Variants in TMTC1 observed in about 807,000 individuals in gnomAD.
TMTC1 encodes transmembrane O-mannosyltransferase targeting cadherins 1.
Under a neutral mutation model 104.8 loss-of-function variants are expected in TMTC1, and 73 were observed. The ratio of observed to expected loss-of-function variants is 0.70; its 90% CI spans 0.58 to 0.85. The LOEUF is 0.85. TMTC1 is among the 40% of genes least tolerant of loss of function. TMTC1 has a pLI of 0.00. For missense variants in TMTC1, 1,035 were observed against 1,096.1 expected (o/e 0.94, Z 0.79); for synonymous variants, 434 against 428.7 (o/e 1.01, Z -0.15).
chr12:29,780,406 C>T (rs1943807127), intron 1 of TMTC1, among the ~76,000 whole-genome samples: 1 of 152,186 alleles, frequency 6.6e-6, no homozygotes, highest in Admixed American at 6.5e-5. Context: ...AGGTTACATA[C>T]TATGTGATTC....
chr12:29,735,406 C>A (rs1466209233), intron 5 of TMTC1, among the ~76,000 whole-genome samples: 1 of 152,146 alleles, frequency 6.6e-6, no homozygotes, highest in Non-Finnish European at 1.5e-5. Flanking sequence ...TGGCACCAAG[C>A]ACATAGAGTC....
chr12:29,755,871 C>T lies in TMTC1; in HGVS notation c.569G>A (p.Gly190Asp), dbSNP rs183355530. 6 of 1,613,918 alleles carry T rather than the reference C, an allele frequency of 3.7e-6. No homozygotes were observed. The African/African-American group carries it at 8.0e-5, about 22-fold the overall frequency. Reference sequence around the variant, plus strand: ...GGAAGGGAAACTTCCCCCAACACAGCCCTGATCCAGACTCCTGAAAAACAA... The same window carrying T: ...GGAAGGGAAACTTCCCCCAACACAGTCCTGATCCAGACTCCTGAAAAACAA... Reference protein sequence around the residue: ...FLSYNRSLDQGCVGGSFPSTV... With the variant: ...FLSYNRSLDQDCVGGSFPSTV... Residue 190 changes from glycine to aspartate, a missense_variant, in exon 4 of 18, where the codon GGC (glycine) becomes GAC (aspartate). By Grantham distance (94) the Gly-to-Asp change is moderately conservative. Coordinates refer to ENST00000539277, the MANE Select transcript of TMTC1 (RefSeq NM_001193451.2).
At chr12:29,702,143 C>A (rs1390905060) in intron 5 of TMTC1, among the ~76,000 whole-genome samples, 1 of 152,074 alleles carries the variant, frequency 6.6e-6, no homozygotes, top group African/African-American at 2.4e-5. Flanking sequence ...AAGCTTTTCC[C>A]ATCTCAACTT....
chr12:29,659,811 G>T, intron 5 of TMTC1: 1 of 1,186,024 alleles, frequency 8.4e-7, no homozygotes, highest in Non-Finnish European at 1.2e-6. Flanking sequence ...TGCAAAGTCA[G>T]CCTGTAATTT....
chr12:29,602,139 T>A (rs912875109), intron 7 of TMTC1, among the ~76,000 whole-genome samples: 2 of 151,674 alleles, frequency 1.3e-5, no homozygotes, highest in South Asian at 4.2e-4. Context: ...TGGCATCTCA[T>A]GTTTTTAAAT....
chr12:29,589,105 C>T (rs941795666), intron 7 of TMTC1, among the ~76,000 whole-genome samples: 22 of 152,184 alleles, frequency 1.4e-4, no homozygotes, highest in African/African-American at 4.8e-4. Flanking sequence ...TTATGTAAAG[C>T]CCCGATTTAC....
At chr12:29,626,581 G>T (rs998426648) in intron 6 of TMTC1, among the ~76,000 whole-genome samples, 29 of 152,114 alleles carry the variant, frequency 1.9e-4, no homozygotes, top group African/African-American at 5.1e-4. Flanking sequence ...GAGAAAACTG[G>T]ATAAGCACAT....
chr12:29,729,537 A>G lies in TMTC1; in HGVS notation c.938+22129T>C, dbSNP rs563597446. ...CTAGGTCACCTCAGGCTGACTGGTG[A>G]CTTTATCCCTTCACAAGGGCATCTG... is the stretch of plus-strand genomic sequence containing the variant. On this transcript the variant is annotated intron_variant, in intron 5 of 17. Transcript: ENST00000539277. 1.8e-4 allele frequency among the ~76,000 whole-genome samples: 27 copies of G among 152,242 alleles called. 1 individual carries two copies. Among genetic ancestry groups the G allele is most frequent in the Admixed American group, 2.6e-4 (4 of 15,288 alleles).
intron 7 of TMTC1, among the ~76,000 whole-genome samples, chr12:29,590,816 C>T (rs1415461794): frequency 6.6e-6 from 1 of 152,006 alleles, no homozygotes; most frequent in Non-Finnish European, 1.5e-5. Flanking sequence ...CAAAAACAAA[C>T]TAAACAAAAC....
intron 11 of TMTC1, among the ~76,000 whole-genome samples, chr12:29,528,405 T>C (rs1944407946): frequency 6.6e-6 from 1 of 152,118 alleles, no homozygotes; most frequent in African/African-American, 2.4e-5. Flanking sequence ...AGGGCAGCAG[T>C]TAAAAATGGG....
chr12:29,518,195 G>T (rs1156971672), intron 13 of TMTC1, among the ~76,000 whole-genome samples: 1 of 151,996 alleles, frequency 6.6e-6, no homozygotes, highest in Non-Finnish European at 1.5e-5. Flanking sequence ...TTATGATTGG[G>T]GTTGCAATCC....
intron 6 of TMTC1, among the ~76,000 whole-genome samples, chr12:29,624,235 C>A (rs1170162195): frequency 2.0e-5 from 3 of 152,128 alleles, no homozygotes; most frequent in Non-Finnish European, 4.4e-5. Context: ...CCTCCTTGGC[C>A]TCCCAAAGTG....
At chr12:29,598,865 G>C (rs923575768) in intron 7 of TMTC1, among the ~76,000 whole-genome samples, 1 of 152,140 alleles carries the variant, frequency 6.6e-6, no homozygotes, top group African/African-American at 2.4e-5. Flanking sequence ...ATTTAATGTT[G>C]TCTGCAAACA....
chr12:29,776,434 G>A (rs1025510678), intron 1 of TMTC1, among the ~76,000 whole-genome samples: 1 of 151,954 alleles, frequency 6.6e-6, no homozygotes, highest in African/African-American at 2.4e-5. Context: ...AAAGAACAAA[G>A]GTAAATTAGT....
intron 7 of TMTC1, among the ~76,000 whole-genome samples, chr12:29,601,615 T>A (rs988233426): frequency 6.7e-6 from 1 of 150,364 alleles, no homozygotes; most frequent in Non-Finnish European, 1.5e-5. Context: ...GTCTGGAAGG[T>A]AAGAGATCTG....
At chr12:29,662,488 A>G (rs1940076713) in intron 5 of TMTC1, among the ~76,000 whole-genome samples, 1 of 151,972 alleles carries the variant, frequency 6.6e-6, no homozygotes, top group Admixed American at 6.6e-5. Context: ...CATCTCTATT[A>G]AAAATACAAA....
intron 5 of TMTC1, among the ~76,000 whole-genome samples, chr12:29,700,318 C>T (rs1175600637): frequency 2.0e-5 from 3 of 151,310 alleles, no homozygotes; most frequent in African/African-American, 4.9e-5. Context: ...CTGCAAGCTC[C>T]GCCTCCCGGG....
chr12:29,625,145 G>A (rs1466868066), intron 6 of TMTC1, among the ~76,000 whole-genome samples: 1 of 152,154 alleles, frequency 6.6e-6, no homozygotes, highest in African/African-American at 2.4e-5. Context: ...TTATTCTGCT[G>A]ACATTATTAT....
At chr12:29,623,825 A>ATAAATAAATAAAAT (rs375861616) in intron 6 of TMTC1, among the ~76,000 whole-genome samples, 4 of 148,930 alleles carry the variant, frequency 2.7e-5, no homozygotes, top group African/African-American at 1.0e-4. Flanking sequence ...AAATAAATAA[A>ATAAATAAATAAAAT]TAAATTAAAT....
Sources: allele counts gnomAD v4.1 joint callset (sites outside exome capture counted in the v4.1 genomes callset), GRCh38; gene constraint gnomAD v4.1.1; transcripts MANE v1.5; gene names NCBI Gene and HGNC (gene_info 2026-07-23, HGNC 2026-07-21).